The following NRXN3 variants were observed in gnomAD, a reference collection of about 807,000 sequenced individuals.
The protein encoded by NRXN3 is neurexin 3.
A neutral mutation model predicts 137.6 loss-of-function variants in NRXN3; 32 were observed. The ratio of observed to expected loss-of-function variants is 0.23; its 90% CI spans 0.18 to 0.31. The LOEUF (loss-of-function observed/expected upper bound fraction) is 0.31. NRXN3 is among the 10% of genes least tolerant of loss of function. NRXN3 has a pLI of 1.00. For synonymous variants in NRXN3, 798 were observed against 784.5 expected (o/e 1.02, Z -0.29); for missense variants, 1,574 against 2,062.5 (o/e 0.76, Z 4.59).
At chr14:78,198,542 C>T (rs1339959670) in intron 1 of NRXN3, among the ~76,000 whole-genome samples, 2 of 152,066 alleles carry the variant, frequency 1.3e-5, no homozygotes, top group African/African-American at 2.4e-5. Context: ...GTGCATGCTG[C>T]GAAAGCAAAG....
At chr14:78,770,853 G>A (rs181494498) in intron 8 of NRXN3, among the ~76,000 whole-genome samples, 4 of 152,152 alleles carry the variant, frequency 2.6e-5, no homozygotes, top group Admixed American at 6.5e-5. Context: ...TTGGGGTTGG[G>A]GGGGGTACAG....
chr14:79,067,737 C>A (rs1054495153), intron 15 of NRXN3, among the ~76,000 whole-genome samples: 1 of 151,960 alleles, frequency 6.6e-6, no homozygotes, highest in East Asian at 1.9e-4. Context: ...AGTCTAATGA[C>A]CTCATTTTAA....
intron 6 of NRXN3, among the ~76,000 whole-genome samples, chr14:78,669,354 A>C (rs1364209310): frequency 6.6e-6 from 1 of 152,134 alleles, no homozygotes; most frequent in Non-Finnish European, 1.5e-5. Context: ...CCAAGAAAAA[A>C]TTCAGGGTGA....
At chr14:79,228,850 C>T (rs1346753964) in intron 15 of NRXN3, among the ~76,000 whole-genome samples, 3 of 152,040 alleles carry the variant, frequency 2.0e-5, no homozygotes, top group Non-Finnish European at 4.4e-5. Context: ...TACACATTTG[C>T]TGAAATTCAC....
intron 20 of NRXN3, among the ~76,000 whole-genome samples, chr14:79,838,990 G>T (rs1263481826): frequency 6.6e-6 from 1 of 152,306 alleles, no homozygotes; most frequent in African/African-American, 2.4e-5. Context: ...GCAACACCTT[G>T]TTCTATAAAA....
chr14:78,860,235 T>C (rs780071189), intron 10 of NRXN3, among the ~76,000 whole-genome samples: 1 of 152,180 alleles, frequency 6.6e-6, no homozygotes, highest in African/African-American at 2.4e-5. Flanking sequence ...AATGATTTAT[T>C]AGCTATTACA....
intron 4 of NRXN3, among the ~76,000 whole-genome samples, chr14:78,522,481 A>G (rs1219931641): frequency 6.6e-6 from 1 of 152,216 alleles, no homozygotes; most frequent in Non-Finnish European, 1.5e-5. Flanking sequence ...TGTTATCGGA[A>G]ATAGTTGACT....
chr14:79,295,555 C>T (rs976774624), intron 15 of NRXN3, among the ~76,000 whole-genome samples: 7 of 152,102 alleles, frequency 4.6e-5, no homozygotes, highest in African/African-American at 1.7e-4. Context: ...AGAGACCTTG[C>T]TGATCTTGTT....
At chr14:79,344,390 C>A (rs948517538) in intron 15 of NRXN3, among the ~76,000 whole-genome samples, 4 of 152,144 alleles carry the variant, frequency 2.6e-5, no homozygotes. Flanking sequence ...TTAATATGCT[C>A]AATGTGCTTT....
At chr14:79,380,951 G>A (rs1010433625) in intron 15 of NRXN3, among the ~76,000 whole-genome samples, 2 of 152,016 alleles carry the variant, frequency 1.3e-5, no homozygotes, top group African/African-American at 4.8e-5. Flanking sequence ...CTGGAAGTGT[G>A]GGGAGAAGGG....
chr14:79,082,422 G>T (rs922148217), intron 15 of NRXN3, among the ~76,000 whole-genome samples: 64 of 43,744 alleles, frequency 1.5e-3, no homozygotes, highest in Non-Finnish European at 3.2e-3. Context: ...TGTGTGTGTA[G>T]ACACAGCACC....
At chr14:78,729,632 A>G (rs1454354649) in intron 8 of NRXN3, among the ~76,000 whole-genome samples, 1 of 152,198 alleles carries the variant, frequency 6.6e-6, no homozygotes, top group Admixed American at 6.5e-5. Flanking sequence ...GGCTCATCAT[A>G]ATTTATCCAG....
At chr14:78,987,019 C>CAAAAA (rs36081362) in intron 14 of NRXN3, among the ~76,000 whole-genome samples, 20 of 54,102 alleles carry the variant, frequency 3.7e-4, no homozygotes, top group Admixed American at 1.5e-3. Flanking sequence ...GAGACTGTCT[C>CAAAAA]AAAAAAAAAA....
intron 16 of NRXN3, among the ~76,000 whole-genome samples, chr14:79,588,988 C>G (rs967341582): frequency 6.6e-6 from 1 of 152,148 alleles, no homozygotes; most frequent in African/African-American, 2.4e-5. Flanking sequence ...GACACAGTGA[C>G]TTATGCTTGT....
intron 15 of NRXN3, among the ~76,000 whole-genome samples, chr14:79,362,810 G>A (rs1249816431): frequency 6.6e-6 from 1 of 152,182 alleles, no homozygotes; most frequent in Non-Finnish European, 1.5e-5. Context: ...GGCACGATAA[G>A]TTTACTCTGA....
chr14:78,714,785 C>T lies in NRXN3; in HGVS notation c.1690C>T (p.Pro564Ser). The T allele has an allele frequency of 6.2e-7, 1 of 1,614,092 alleles. No individual in the cohort carries two copies. Among genetic ancestry groups the T allele is most frequent in the Non-Finnish European group, 8.5e-7 (1 of 1,179,966 alleles). Residue 564 changes from proline to serine, a missense_variant, in exon 8 of 21, where the codon CCA becomes TCA. Transcript: ENST00000335750. The stretch of plus-strand genomic sequence containing the variant: ...TATATCAGTGAACAGCAGGCGCACG[C>T]CATTCACCGCCAGTGGGGAGAGCGA... ...GTISVNSRRTPFTASGESEIL... is the reference protein window; with the variant it reads ...GTISVNSRRTSFTASGESEIL...
intron 15 of NRXN3, among the ~76,000 whole-genome samples, chr14:79,155,422 C>T (rs2060175704): frequency 6.6e-6 from 1 of 151,820 alleles, no homozygotes; most frequent in African/African-American, 2.4e-5. Flanking sequence ...ACAGTATTTC[C>T]TATCCCTGTG....
At chr14:78,943,430 G>A (rs1597692760) in intron 10 of NRXN3, among the ~76,000 whole-genome samples, 1 of 151,046 alleles carries the variant, frequency 6.6e-6, no homozygotes, top group Non-Finnish European at 1.5e-5. Context: ...GGGGGATTCT[G>A]TGAAGTCTGG....
chr14:79,746,929 A>C (rs776449928), intron 19 of NRXN3, among the ~76,000 whole-genome samples: 37 of 152,156 alleles, frequency 2.4e-4, no homozygotes, highest in Non-Finnish European at 4.4e-4. Flanking sequence ...AAAGGATTAA[A>C]GATTTGCTGA....
Sources: gnomAD v4.1 joint callset for allele counts (sites outside exome capture counted in the v4.1 genomes callset) on GRCh38, gnomAD v4.1.1 for gene constraint, MANE v1.5 for transcripts, NCBI Gene and HGNC (gene_info 2026-07-23, HGNC 2026-07-21) for gene names.